The following SPNS3 variants were observed in gnomAD, a reference collection of about 807,000 sequenced individuals.
SPNS3 encodes protein spinster homolog 3.
SPNS3 carries 51 observed loss-of-function variants against 54.4 expected under a neutral mutation model. That is an observed-to-expected ratio of 0.94 (90% CI 0.75 to 1.18). The LOEUF is 1.18. Ranked by LOEUF, SPNS3 falls within the 50% of genes most tolerant of loss-of-function variation. SPNS3 has a pLI of 0.00. For synonymous variants in SPNS3, 309 were observed against 294.7 expected (o/e 1.05, Z -0.50); for missense variants, 669 against 677.4 (o/e 0.99, Z 0.14).
chr17:4,441,983 A>AGTGTGTGTGTGTGTGTGTGT (rs373836833), intron 2 of SPNS3, among the ~76,000 whole-genome samples: 5,081 of 138,914 alleles, frequency 0.037, 135 homozygotes, highest in South Asian at 0.045. Flanking sequence ...CGGAGGGAGA[A>AGTGTGTGTGTGTGTGTGTGT]GTGTGTGTGT....
At chr17:4,476,328 CT>C (rs1971999818) in intron 8 of SPNS3, among the ~76,000 whole-genome samples, 1 of 152,224 alleles carries the variant, frequency 6.6e-6, no homozygotes, top group South Asian at 2.1e-4. Flanking sequence ...TAGCTGCAGC[CT>C]CCCTCTGATG....
At chr17:4,472,774 C>CATTTTTTTTTTTT (rs1567572187) in intron 8 of SPNS3, among the ~76,000 whole-genome samples, 13 of 50,970 alleles carry the variant, frequency 2.6e-4, no homozygotes, top group African/African-American at 1.2e-3. Flanking sequence ...GCTTGGCAGC[C>CATTTTTTTTTTTT]TTTTTTTTTT....
At chr17:4,468,590 A>G (rs904399442) in intron 8 of SPNS3, among the ~76,000 whole-genome samples, 1 of 151,684 alleles carries the variant, frequency 6.6e-6, no homozygotes, top group Non-Finnish European at 1.5e-5. Flanking sequence ...GCGGCGGGGG[A>G]AGACTGAGGG....
chr17:4,438,222 C>T (rs1274495889), intron 1 of SPNS3, among the ~76,000 whole-genome samples: 2 of 152,206 alleles, frequency 1.3e-5, no homozygotes, highest in Admixed American at 1.3e-4. Flanking sequence ...TTCTGCTCCC[C>T]TTCTGTGGTT....
At chr17:4,476,844 G>C (rs1972015227) in intron 8 of SPNS3, among the ~76,000 whole-genome samples, 2 of 152,310 alleles carry the variant, frequency 1.3e-5, no homozygotes, top group South Asian at 4.1e-4. Flanking sequence ...GGGACTCCTT[G>C]GCTGGTTCTG....
chr17:4,437,698 C>A (rs1338492732), intron 1 of SPNS3, among the ~76,000 whole-genome samples: 5 of 145,326 alleles, frequency 3.4e-5, no homozygotes, highest in African/African-American at 1.3e-4. Flanking sequence ...AAATAAAAAA[C>A]AAAATATTAA....
chr17:4,447,910 C>G (rs533109564), intron 5 of SPNS3, among the ~76,000 whole-genome samples: 1 of 152,154 alleles, frequency 6.6e-6, no homozygotes, highest in Non-Finnish European at 1.5e-5. Context: ...ACTGGAAAGA[C>G]GGGAATTACA....
intron 2 of SPNS3, among the ~76,000 whole-genome samples, chr17:4,440,758 G>C (rs753208092): frequency 2.6e-5 from 4 of 152,186 alleles, no homozygotes; most frequent in Non-Finnish European, 4.4e-5. Flanking sequence ...TTCCCAGGGG[G>C]ACCTTGGGAG....
At chr17:4,474,613 C>G (rs545503976) in intron 8 of SPNS3, among the ~76,000 whole-genome samples, 1 of 152,212 alleles carries the variant, frequency 6.6e-6, no homozygotes, top group African/African-American at 2.4e-5. Context: ...TCCTGCTGAC[C>G]TGTGCGTGCA....
intron 2 of SPNS3, among the ~76,000 whole-genome samples, chr17:4,440,753 A>G (rs74811538): frequency 0.1 from 15,473 of 152,098 alleles, 979 homozygotes; most frequent in African/African-American, 0.18. Context: ...GGCTTTTCCC[A>G]GGGGGACCTT....
intron 11 of SPNS3, 111 bp from the exon 12 acceptor site, chr17:4,487,695 T>C (rs1972359696): frequency 2.1e-6 from 2 of 945,070 alleles, no homozygotes; most frequent in Admixed American, 1.9e-5. Flanking sequence ...CTGGAATGTA[T>C]TCTGCATTTG....
intron 8 of SPNS3, among the ~76,000 whole-genome samples, chr17:4,465,296 G>C (rs1230724669): frequency 6.6e-6 from 1 of 152,196 alleles, no homozygotes; most frequent in Non-Finnish European, 1.5e-5. Flanking sequence ...CTAATGTTCT[G>C]AGATAGCGGG....
chr17:4,460,466 CTG>C (rs1320560876), intron 8 of SPNS3, among the ~76,000 whole-genome samples: 2 of 134,994 alleles, frequency 1.5e-5, no homozygotes, highest in Non-Finnish European at 3.1e-5. Flanking sequence ...GAGTCTCACT[CTG>C]TGGCCCAGGC....
intron 8 of SPNS3, among the ~76,000 whole-genome samples, chr17:4,470,499 T>C (rs1457238883): frequency 1.3e-5 from 2 of 152,142 alleles, no homozygotes. Flanking sequence ...TGGTTTTTCG[T>C]ACATTCACAG....
At chr17:4,447,111 T>TC (rs1403805896) in intron 5 of SPNS3, 149 bp downstream of exon 5, 6 of 770,644 alleles carry the variant, frequency 7.8e-6, no homozygotes, top group East Asian at 5.3e-5. Context: ...TTTGGACATG[T>TC]GGGGCCTCAT....
At chr17:4,477,155 C>T (rs1017055738) in intron 8 of SPNS3, among the ~76,000 whole-genome samples, 1 of 152,216 alleles carries the variant, frequency 6.6e-6, no homozygotes, top group African/African-American at 2.4e-5. Context: ...ATGCACAGGC[C>T]ATCACGGCGT....
At position 4,486,682 on chromosome 17, in the gene SPNS3, T is replaced by C. The variant is rs897540676; in HGVS notation, c.1450+99T>C. 7 of 1,320,728 alleles carry C rather than the reference T, an allele frequency of 5.3e-6. No homozygotes were observed. In the African/African-American group the frequency reaches 8.9e-5, roughly 17 times the overall value. The allele number at this position is 1,320,728 out of a possible 1,614,324, so 81.8% of individuals were successfully genotyped here. A position where few individuals can be genotyped will look rare whatever the true frequency, so the allele number is the denominator to read the frequency against. Reference sequence around the variant, plus strand: ...ATCCCTGGCCAGTTTGTTTGTTCATTCATCCAGAAATGCTTAGTACACCCC... The same window carrying C: ...ATCCCTGGCCAGTTTGTTTGTTCATCCATCCAGAAATGCTTAGTACACCCC... On this transcript the variant is annotated intron_variant, in intron 11 of 11. Coordinates refer to ENST00000355530, the MANE Select transcript of SPNS3 (RefSeq NM_182538.5). This position sits in a 1 kb window ranked among gnomAD's most constrained non-coding sequence, Gnocchi z 5.5.
chr17:4,437,722 CAT>C (rs1366205254), intron 1 of SPNS3, among the ~76,000 whole-genome samples: 1 of 150,862 alleles, frequency 6.6e-6, no homozygotes. Flanking sequence ...GGGAAAAAGA[CAT>C]AACAGTTTGT....
At chr17:4,462,766 C>A (rs112619625) in intron 8 of SPNS3, among the ~76,000 whole-genome samples, 1 of 78,010 alleles carries the variant, frequency 1.3e-5, no homozygotes, top group Non-Finnish European at 2.5e-5. Context: ...TCCATCCATC[C>A]ATCCATCCAT....
Sources: allele counts gnomAD v4.1 joint callset (sites outside exome capture counted in the v4.1 genomes callset), GRCh38; gene constraint gnomAD v4.1.1; non-coding constraint Gnocchi (gnomAD v3.1); transcripts MANE v1.5; gene names NCBI Gene and HGNC (gene_info 2026-07-23, HGNC 2026-07-21).